The following CCSER1 variants were observed in gnomAD, a reference collection of about 807,000 sequenced individuals.
CCSER1 encodes serine-rich coiled-coil domain-containing protein 1.
A neutral mutation model predicts 82.0 loss-of-function variants in CCSER1; 41 were observed. The observed-to-expected ratio is 0.50, with a 90% CI of 0.39 to 0.65. The LOEUF is 0.65. CCSER1 is among the 30% of genes least tolerant of loss of function. CCSER1 has a pLI of 0.00. For synonymous variants in CCSER1, 414 were observed against 383.9 expected (o/e 1.08, Z -0.92); for missense variants, 1,119 against 1,064.2 (o/e 1.05, Z -0.72).
rs548426153 is a variant in CCSER1 at position 90,272,831 on chromosome 4, C to T, written c.-41-35413C>T. Among the ~76,000 whole-genome samples, 6 of 152,104 alleles carry T rather than the reference C, an allele frequency of 3.9e-5. No individual in the cohort carries two copies. The South Asian group carries it at 6.2e-4, about 16-fold the overall frequency. On this transcript the variant is annotated intron_variant, in intron 1 of 10. Coordinates refer to ENST00000509176, the MANE Select transcript of CCSER1 (RefSeq NM_001145065.2). The stretch of plus-strand genomic sequence containing the variant: ...CAGCCTGGACAACATGGTGAAACCT[C>T]GTCTCTACTAAAAATACAAAAATTC...
intron 10 of CCSER1, among the ~76,000 whole-genome samples, chr4:91,142,490 TG>T (rs1354628296): frequency 6.6e-6 from 1 of 152,190 alleles, no homozygotes; most frequent in Non-Finnish European, 1.5e-5. Flanking sequence ...TGGTAATTTT[TG>T]TTTTTGTTGT....
At chr4:91,113,246 T>C (rs1726242026) in intron 10 of CCSER1, among the ~76,000 whole-genome samples, 1 of 152,300 alleles carries the variant, frequency 6.6e-6, no homozygotes, top group South Asian at 2.1e-4. Context: ...AACAAACGCA[T>C]GACATTGTGT....
intron 3 of CCSER1, among the ~76,000 whole-genome samples, chr4:90,399,180 C>G (rs903250690): frequency 6.6e-6 from 1 of 151,992 alleles, no homozygotes; most frequent in Non-Finnish European, 1.5e-5. Flanking sequence ...TACAAATATA[C>G]AAATCAGGAC....
At chr4:90,273,448 CTGT>C (rs1437879825) in intron 1 of CCSER1, among the ~76,000 whole-genome samples, 4 of 152,018 alleles carry the variant, frequency 2.6e-5, no homozygotes, top group African/African-American at 7.2e-5. Context: ...CATTGTATGC[CTGT>C]ATCAGAATAC....
intron 3 of CCSER1, among the ~76,000 whole-genome samples, chr4:90,343,220 C>A (rs1370599510): frequency 6.6e-6 from 1 of 152,184 alleles, no homozygotes; most frequent in African/African-American, 2.4e-5. Context: ...TTTATCATAT[C>A]CTTTTAATTA....
intron 3 of CCSER1, among the ~76,000 whole-genome samples, chr4:90,390,609 G>A (rs1750843133): frequency 6.6e-6 from 1 of 152,174 alleles, no homozygotes; most frequent in Non-Finnish European, 1.5e-5. Context: ...CAAAAGACAT[G>A]CTTTTGTCCT....
At chr4:90,702,569 C>G (rs562020971) in intron 6 of CCSER1, among the ~76,000 whole-genome samples, 1 of 152,300 alleles carries the variant, frequency 6.6e-6, no homozygotes, top group East Asian at 1.9e-4. Flanking sequence ...CCTTGTACCA[C>G]TGCTAGAATT....
At chr4:90,837,307 A>G (rs545914495) in intron 8 of CCSER1, among the ~76,000 whole-genome samples, 1 of 152,318 alleles carries the variant, frequency 6.6e-6, no homozygotes, top group African/African-American at 2.4e-5. Flanking sequence ...CACTCTAGAG[A>G]AAGACTGAAA....
chr4:90,644,006 T>A (rs1727043098), intron 6 of CCSER1, among the ~76,000 whole-genome samples: 1 of 152,188 alleles, frequency 6.6e-6, no homozygotes, highest in South Asian at 2.1e-4. Context: ...TAGTTTTCTC[T>A]AGAACTGGTC....
At chr4:90,768,576 T>A (rs1418587107) in intron 7 of CCSER1, among the ~76,000 whole-genome samples, 3 of 152,190 alleles carry the variant, frequency 2.0e-5, no homozygotes, top group African/African-American at 7.2e-5. Flanking sequence ...TTAGTGAAAG[T>A]GGAAAGTGCC....
intron 8 of CCSER1, among the ~76,000 whole-genome samples, chr4:90,835,842 T>A (rs9991987): frequency 0.19 from 28,863 of 151,832 alleles, 2,875 homozygotes; most frequent in Non-Finnish European, 0.22. Flanking sequence ...GTCTACAGAA[T>A]CTCATGCCAT....
chr4:90,720,572 C>T (rs922818564), intron 6 of CCSER1, among the ~76,000 whole-genome samples: 1 of 151,768 alleles, frequency 6.6e-6, no homozygotes, highest in African/African-American at 2.4e-5. Flanking sequence ...AGAGTGAAAA[C>T]GGAGCTCCCA....
At chr4:90,610,645 T>C (rs1171359638) in intron 5 of CCSER1, among the ~76,000 whole-genome samples, 1 of 152,132 alleles carries the variant, frequency 6.6e-6, no homozygotes, top group East Asian at 1.9e-4. Context: ...TACATAGAAG[T>C]CAAATCAATA....
At chr4:90,964,569 A>G (rs1025202767) in intron 9 of CCSER1, among the ~76,000 whole-genome samples, 1 of 151,728 alleles carries the variant, frequency 6.6e-6, no homozygotes, top group African/African-American at 2.4e-5. Flanking sequence ...CTAAAAATAC[A>G]AAAAACTTAG....
chr4:90,943,968 T>C (rs1264499138), intron 9 of CCSER1, among the ~76,000 whole-genome samples: 3 of 151,096 alleles, frequency 2.0e-5, no homozygotes, highest in Admixed American at 6.6e-5. Flanking sequence ...GCGTTGTGGC[T>C]CACGCCTGTA....
At chr4:91,512,917 A>G (rs1359737031) in intron 10 of CCSER1, among the ~76,000 whole-genome samples, 9 of 152,116 alleles carry the variant, frequency 5.9e-5, no homozygotes, top group African/African-American at 9.7e-5. Flanking sequence ...GAAGAGAGAC[A>G]GTTTGACTTC....
chr4:90,408,805 A>T (rs1253623620), intron 4 of CCSER1, among the ~76,000 whole-genome samples: 2 of 152,222 alleles, frequency 1.3e-5, no homozygotes, highest in Non-Finnish European at 2.9e-5. Context: ...GAGTTGAGAG[A>T]AGAAGGCTTC....
At position 90,594,027 on chromosome 4, in the gene CCSER1, A is replaced by T. The variant is rs544683932; in HGVS notation, c.1725-33998A>T. On this transcript the variant is annotated intron_variant, in intron 5 of 10. Transcript: ENST00000509176. ...CATTGTAAAGTGGTTTTATTTTAGA[A>T]GCAGGAAAATCTTTACAATCCAAAT... Among the ~76,000 whole-genome samples, 12 of 152,124 alleles carry T rather than the reference A, an allele frequency of 7.9e-5. No individual in the cohort carries two copies. In the South Asian group the frequency reaches 2.5e-3, roughly 32 times the overall value.
chr4:90,761,243 C>A (rs1316918324), intron 7 of CCSER1, among the ~76,000 whole-genome samples: 2 of 152,050 alleles, frequency 1.3e-5, no homozygotes, highest in Non-Finnish European at 2.9e-5. Context: ...TAGAAATAGT[C>A]TAATTGTGCT....
Sources: gnomAD v4.1 joint callset for allele counts (sites outside exome capture counted in the v4.1 genomes callset) on GRCh38, gnomAD v4.1.1 for gene constraint, MANE v1.5 for transcripts, NCBI Gene and HGNC (gene_info 2026-07-23, HGNC 2026-07-21) for gene names.